Variants in MAST2 observed in about 807,000 individuals in gnomAD.
The protein encoded by MAST2 is microtubule associated serine/threonine kinase 2.
Under a neutral mutation model 147.4 loss-of-function variants are expected in MAST2, and 70 were observed. That is an observed-to-expected ratio of 0.47 (90% confidence interval 0.39 to 0.58). The LOEUF is 0.58. Among genes scored for constraint, MAST2 ranks in the 20% least tolerant of loss-of-function variants. The pLI, the probability that MAST2 is intolerant of heterozygous loss-of-function variation, is 0.00. For missense variants in MAST2, 2,080 were observed against 2,302.3 expected (o/e 0.90, Z 1.98); for synonymous variants, 869 against 896.8 (o/e 0.97, Z 0.55).
intron 1 of MAST2, among the ~76,000 whole-genome samples, chr1:45,805,052 AT>A (rs10681055): frequency 2.1e-5 from 3 of 143,528 alleles, no homozygotes; most frequent in Non-Finnish European, 3.0e-5. Context: ...TTCCTTAGAC[AT>A]TTTTTTTTTT....
intron 3 of MAST2, among the ~76,000 whole-genome samples, chr1:45,848,365 T>C (rs995398468): frequency 7.2e-5 from 11 of 152,232 alleles, no homozygotes; most frequent in African/African-American, 2.4e-4. Context: ...AACATTTACT[T>C]ACCTTCTGGG....
chr1:45,905,776 A>C (rs79857460), intron 4 of MAST2, among the ~76,000 whole-genome samples: 1 of 63,756 alleles, frequency 1.6e-5, no homozygotes, highest in Non-Finnish European at 3.0e-5. Context: ...ACTCTGTCTC[A>C]AAAAAAAAAA....
intron 4 of MAST2, among the ~76,000 whole-genome samples, chr1:45,888,663 C>CT (rs71587722): frequency 2.3e-4 from 11 of 48,724 alleles, no homozygotes; most frequent in African/African-American, 4.7e-4. Flanking sequence ...CGCGCGGCCT[C>CT]TTTTTTTTTT....
chr1:45,992,500 C>G (rs1289564607), intron 5 of MAST2, among the ~76,000 whole-genome samples: 1 of 151,872 alleles, frequency 6.6e-6, no homozygotes, highest in East Asian at 1.9e-4. Context: ...GTGTTTTTTT[C>G]TTACAATATC....
intron 4 of MAST2, among the ~76,000 whole-genome samples, chr1:45,930,477 A>G (rs1304874643): frequency 2.6e-5 from 4 of 151,974 alleles, no homozygotes; most frequent in Admixed American, 2.0e-4. Flanking sequence ...ATTGAGATAG[A>G]TGCATTCATT....
At chr1:45,859,260 C>T (rs1286721411) in intron 3 of MAST2, among the ~76,000 whole-genome samples, 4 of 152,246 alleles carry the variant, frequency 2.6e-5, no homozygotes, top group African/African-American at 9.6e-5. Context: ...CCATCACACC[C>T]AGCTAATTGT....
intron 1 of MAST2, among the ~76,000 whole-genome samples, chr1:45,811,026 A>G (rs1644275522): frequency 6.7e-6 from 1 of 149,004 alleles, no homozygotes; most frequent in African/African-American, 2.5e-5. Context: ...CTAATTTTGT[A>G]TTTTAGTAGA....
intron 5 of MAST2, among the ~76,000 whole-genome samples, chr1:45,987,753 G>T: frequency 9.3e-6 from 1 of 108,002 alleles, no homozygotes; most frequent in Non-Finnish European, 1.9e-5. Context: ...GAAAGTGAGA[G>T]CATTTCTTGT....
chr1:45,999,294 T>C (rs1645180702), intron 6 of MAST2, among the ~76,000 whole-genome samples: 1 of 152,198 alleles, frequency 6.6e-6, no homozygotes, highest in Non-Finnish European at 1.5e-5. Context: ...GAACTTCCAA[T>C]TTGTTAAGCA....
intron 4 of MAST2, 90 bp downstream of exon 4, chr1:45,882,485 C>T (rs1036547803): frequency 1.8e-5 from 18 of 1,001,822 alleles, no homozygotes; most frequent in East Asian, 7.9e-5. Context: ...GGAGGAATCC[C>T]GCTCAGTACA....
At chr1:45,887,917 G>A (rs4641257) in intron 4 of MAST2, among the ~76,000 whole-genome samples, 51,736 of 152,028 alleles carry the variant, frequency 0.34, 9,208 homozygotes, top group African/African-American at 0.44. Context: ...AAGGCAGGAC[G>A]TAGCAGAGGT....
chr1:45,846,423 TC>T (rs565897352), intron 3 of MAST2, among the ~76,000 whole-genome samples: 1 of 151,878 alleles, frequency 6.6e-6, no homozygotes, highest in Non-Finnish European at 1.5e-5. Flanking sequence ...GTTATATTGC[TC>T]CCCCCGGCCT....
At chr1:45,999,596 C>T (rs1429264338) in intron 6 of MAST2, among the ~76,000 whole-genome samples, 3 of 152,244 alleles carry the variant, frequency 2.0e-5, no homozygotes, top group Admixed American at 1.3e-4. Context: ...ATAGTCCCTA[C>T]TTCCCTGAAA....
chr1:45,916,469 C>G (rs1652533129), intron 4 of MAST2, among the ~76,000 whole-genome samples: 1 of 152,030 alleles, frequency 6.6e-6, no homozygotes. Flanking sequence ...ATTTAATAAT[C>G]TTCGATAGGA....
chr1:46,008,404 C>A, intron 9 of MAST2, 33 bp downstream of exon 9: 1 of 1,505,912 alleles, frequency 6.6e-7, no homozygotes, highest in Non-Finnish European at 9.2e-7. Context: ...AGTGGCAATA[C>A]CCCTCCGGGT....
In MAST2 at chr1:45,965,206, G is replaced by A. The variant is rs150190597; in HGVS notation, c.592+5729G>A. ...AGAATGTATATTCTGTTGATTTGGG[G>A]TGGAGAGTTCTGTAGATGTCTATTA... On this transcript the variant is annotated intron_variant, in intron 5 of 28. Coordinates refer to ENST00000361297, the MANE Select transcript of MAST2 (RefSeq NM_015112.3). Among the ~76,000 whole-genome samples, 884 of 152,280 alleles carry A rather than the reference G, an allele frequency of 5.8e-3. 8 individuals carry two copies. Among genetic ancestry groups the A allele is most frequent in the African/African-American group, 0.02 (847 of 41,546 alleles).
At position 45,930,820 on chromosome 1, in the gene MAST2, G is replaced by T. The variant is rs1655170960; in HGVS notation, c.501-28566G>T. On this transcript the variant is annotated intron_variant, in intron 4 of 28. Transcript: ENST00000361297. Reference sequence around the variant, plus strand: ...ATACAAGCCACAAGCTAATAATGAAGTTTACATTTTTTAAGGGATATTTAC... The same window carrying T: ...ATACAAGCCACAAGCTAATAATGAATTTTACATTTTTTAAGGGATATTTAC... Among the ~76,000 whole-genome samples, 3 of 152,084 alleles carry T rather than the reference G, an allele frequency of 2.0e-5. No individual in the cohort carries two copies. The South Asian group carries it at 6.2e-4, about 32-fold the overall frequency.
intron 5 of MAST2, among the ~76,000 whole-genome samples, chr1:45,969,741 GTAA>G (rs1261730907): frequency 6.6e-6 from 1 of 152,014 alleles, no homozygotes; most frequent in Non-Finnish European, 1.5e-5. Flanking sequence ...ACATCACAGT[GTAA>G]TAATAATAGA....
At position 45,956,059 on chromosome 1, in the gene MAST2, A is replaced by G. The variant is rs372614516; in HGVS notation, c.501-3327A>G. ...GGCAACTACTAATCTGCAGTCTGTC[A>G]CTATAGATTAGTTAGCATTTTCTAT... is the stretch of plus-strand genomic sequence containing the variant. On this transcript the variant is annotated intron_variant, in intron 4 of 28. Transcript: ENST00000361297. Among the ~76,000 whole-genome samples the G allele has an allele frequency of 3.5e-3, 534 of 152,290 alleles. 2 individuals carry two copies. The highest frequency in any genetic ancestry group is 0.012 in the African/African-American group (485 of 41,564).
Sources: gnomAD v4.1 joint callset for allele counts (sites outside exome capture counted in the v4.1 genomes callset) on GRCh38, gnomAD v4.1.1 for gene constraint, MANE v1.5 for transcripts, NCBI Gene and HGNC (gene_info 2026-07-23, HGNC 2026-07-21) for gene names.